Variants in PTPRS observed in about 807,000 individuals in gnomAD.
PTPRS encodes receptor-type tyrosine-protein phosphatase S.
In PTPRS, 63 loss-of-function variants were observed where a neutral mutation model predicts 215.3. The observed-to-expected ratio is 0.29, with a 90% confidence interval of 0.24 to 0.36. The LOEUF (loss-of-function observed/expected upper bound fraction) is 0.36. Ranked by LOEUF, PTPRS falls within the 10% of genes least tolerant of loss-of-function variation. The probability of loss-of-function intolerance (pLI) is 1.00; values close to 1 mark genes in which losing one functional copy is unlikely to be tolerated. For missense variants in PTPRS, 2,258 were observed against 2,825.8 expected (o/e 0.80, Z 4.56); for synonymous variants, 1,404 against 1,191.4 (o/e 1.18, Z -3.68).
intron 24 of PTPRS, 44 bp from the exon 25 acceptor site, chr19:5,218,576 T>C: frequency 6.3e-7 from 1 of 1,589,326 alleles, no homozygotes; most frequent in Non-Finnish European, 8.6e-7. Flanking sequence ...TAGTGGCACA[T>C]GTTCATGTGT....
intron 1 of PTPRS, among the ~76,000 whole-genome samples, chr19:5,313,689 G>T (rs897590652): frequency 1.3e-5 from 2 of 152,100 alleles, no homozygotes; most frequent in African/African-American, 4.8e-5. Context: ...AGTGGGGAGG[G>T]CCTGGCCCAA....
intron 5 of PTPRS, among the ~76,000 whole-genome samples, chr19:5,264,162 A>G (rs914676836): frequency 2.2e-4 from 8 of 37,122 alleles, no homozygotes; most frequent in Non-Finnish European, 6.6e-4. Context: ...AAGCCCCGCC[A>G]TCACCTCTTA....
intron 9 of PTPRS, among the ~76,000 whole-genome samples, chr19:5,250,510 G>A (rs1289820546): frequency 6.6e-6 from 1 of 152,142 alleles, no homozygotes; most frequent in Non-Finnish European, 1.5e-5. Flanking sequence ...CCTGAATGGA[G>A]GGTCCAGGCA....
chr19:5,264,059 C>G (rs1382709914), intron 5 of PTPRS, among the ~76,000 whole-genome samples: 2 of 152,148 alleles, frequency 1.3e-5, no homozygotes, highest in Non-Finnish European at 2.9e-5. Context: ...GTGGAACCAC[C>G]CGTCTCCAAG....
intron 13 of PTPRS, among the ~76,000 whole-genome samples, chr19:5,234,713 A>G (rs2043291841): frequency 6.6e-6 from 1 of 152,100 alleles, no homozygotes; most frequent in South Asian, 2.1e-4. Flanking sequence ...GCTGTATCAG[A>G]AAAGTTAATA....
intron 1 of PTPRS, among the ~76,000 whole-genome samples, chr19:5,298,340 C>T (rs1012905106): frequency 6.6e-6 from 1 of 152,218 alleles, no homozygotes; most frequent in Admixed American, 6.5e-5. Context: ...AGCCTTTAAA[C>T]CTTCCCTGAT....
chr19:5,265,050 C>A lies in PTPRS; in HGVS notation c.526G>T (p.Asp176Tyr). The change falls in exon 5 of 38, where the codon GAT (aspartate) becomes TAT (tyrosine). Residue 176 changes from aspartate (D) to tyrosine (Y), a missense_variant. Coordinates refer to ENST00000262963, the MANE Select transcript of PTPRS (RefSeq NM_002850.4). ...ITWFKDFLPV[D>Y]PSASNGRIKQ... ...ATGCGTCCATTGCTGGCACTAGGAT[C>A]CACAGGCAGGAAGTCCTTGAACCAG... The A allele has an allele frequency of 1.2e-6, 2 of 1,614,144 alleles. No individual in the cohort carries two copies. Among genetic ancestry groups the A allele is most frequent in the Non-Finnish European group, 1.7e-6 (2 of 1,180,002 alleles).
chr19:5,242,867 AATTTTTT>A (rs1171335561), intron 11 of PTPRS, among the ~76,000 whole-genome samples: 2 of 151,322 alleles, frequency 1.3e-5, no homozygotes, highest in African/African-American at 4.9e-5. Context: ...GCTAATTTTT[AATTTTTT>A]GTGTGTGTAG....
At chr19:5,276,675 G>A (rs2047395675) in intron 2 of PTPRS, among the ~76,000 whole-genome samples, 1 of 151,842 alleles carries the variant, frequency 6.6e-6, no homozygotes, top group Non-Finnish European at 1.5e-5. Flanking sequence ...CAAGGAGCTG[G>A]GACTACAGAT....
chr19:5,219,540 A>G, intron 22 of PTPRS, 73 bp from the exon 23 acceptor site: 11 of 1,476,678 alleles, frequency 7.4e-6, no homozygotes, highest in Admixed American at 2.3e-5. Context: ...TTTCTCAAAC[A>G]TGAACCTACG....
chr19:5,216,889 G>GA (rs1261543935), intron 25 of PTPRS, 122 bp from the exon 26 acceptor site: 1 of 657,562 alleles, frequency 1.5e-6, no homozygotes, highest in Non-Finnish European at 2.7e-6. Context: ...GGACAACGGG[G>GA]GGTATGTACA....
At chr19:5,303,867 C>T (rs1342103353) in intron 1 of PTPRS, among the ~76,000 whole-genome samples, 1 of 148,714 alleles carries the variant, frequency 6.7e-6, no homozygotes, top group East Asian at 2.0e-4. Context: ...AGGAGAATCG[C>T]TTGAACCCGG....
chr19:5,238,738 T>C (rs773241142), intron 13 of PTPRS, among the ~76,000 whole-genome samples, 181 bp downstream of exon 13: 2 of 152,114 alleles, frequency 1.3e-5, no homozygotes, highest in Non-Finnish European at 2.9e-5. Context: ...GCTGTGCTGA[T>C]GGGGATACTG....
chr19:5,274,373 C>T (rs1034917), intron 2 of PTPRS, 29 bp from the exon 3 acceptor site: 218,149 of 1,592,672 alleles, frequency 0.14, 16,234 homozygotes, highest in Admixed American at 0.28. Flanking sequence ...GAAGGGGGGG[C>T]GCTGATGGGT....
chr19:5,265,066 C>T lies in PTPRS; in HGVS notation c.510G>A (p.Lys170=). The T allele has an allele frequency of 1.9e-6, 3 of 1,614,148 alleles. No individual in the cohort carries two copies. The highest frequency in any genetic ancestry group is 2.5e-6 in the Non-Finnish European group (3 of 1,180,012). The change falls in exon 5 of 38, where the codon AAG becomes AAA. Residue 170 remains lysine (K), a synonymous_variant. Coordinates refer to ENST00000262963, the MANE Select transcript of PTPRS (RefSeq NM_002850.4). ...CACTAGGATCCACAGGCAGGAAGTC[C>T]TTGAACCAGGTGATCTCAGGGTCAG... ...GNPDPEITWF[K]DFLPVDPSAS... is the part of the protein sequence containing the mutation.
At chr19:5,230,571 C>T (rs2042930167) in intron 14 of PTPRS, among the ~76,000 whole-genome samples, 1 of 152,206 alleles carries the variant, frequency 6.6e-6, no homozygotes, top group African/African-American at 2.4e-5. Context: ...AATCCCCGCA[C>T]CTCAGCGTCT....
intron 1 of PTPRS, among the ~76,000 whole-genome samples, chr19:5,291,048 G>C (rs934378461): frequency 2.6e-5 from 4 of 152,100 alleles, no homozygotes; most frequent in African/African-American, 9.7e-5. Flanking sequence ...AATGGGCTCA[G>C]GGAGGGGCTG....
chr19:5,253,894 C>T (rs1385107157), intron 9 of PTPRS, among the ~76,000 whole-genome samples: 2 of 152,202 alleles, frequency 1.3e-5, no homozygotes, highest in African/African-American at 2.4e-5. Flanking sequence ...GAAATCCTTT[C>T]ACCTACCCTG....
In PTPRS at chr19:5,239,976, G is replaced by C. The variant is rs183250992; in HGVS notation, c.1704+223C>G. ...GCCGATACATACGGAACCAGAGAGA[G>C]GCCGCCAGCAGCAGAGGAGAAAGAC... On this transcript the variant is annotated intron_variant, in intron 12 of 37. Transcript: ENST00000262963. 7.1e-4 allele frequency among the ~76,000 whole-genome samples: 108 copies of C among 152,208 alleles called. No homozygotes were observed. In the East Asian group the frequency reaches 0.019, roughly 26 times the overall value.
Sources: allele counts gnomAD v4.1 joint callset (sites outside exome capture counted in the v4.1 genomes callset), GRCh38; gene constraint gnomAD v4.1.1; transcripts MANE v1.5; gene names NCBI Gene and HGNC (gene_info 2026-07-23, HGNC 2026-07-21).